Variants in AGBL4 observed in about 807,000 individuals in gnomAD.
AGBL4 encodes the protein cytosolic carboxypeptidase 6.
Under a neutral mutation model 66.4 loss-of-function variants are expected in AGBL4, and 58 were observed. That is an observed-to-expected ratio of 0.87 (90% CI 0.71 to 1.09). The LOEUF is 1.09. AGBL4 is among the 50% of genes least tolerant of loss of function. The pLI, the probability that AGBL4 is intolerant of heterozygous loss-of-function variation, is 0.00. For synonymous variants in AGBL4, 234 were observed against 222.9 expected (o/e 1.05, Z -0.44); for missense variants, 579 against 631.0 (o/e 0.92, Z 0.88).
At chr1:49,958,159 C>A (rs1656796003) in intron 1 of AGBL4, among the ~76,000 whole-genome samples, 1 of 152,008 alleles carries the variant, frequency 6.6e-6, no homozygotes, top group South Asian at 2.1e-4. Context: ...ATTGAAAATT[C>A]TTTTCTTTAA....
chr1:49,353,962 C>G (rs1157030027), intron 3 of AGBL4, among the ~76,000 whole-genome samples: 1 of 152,180 alleles, frequency 6.6e-6, no homozygotes, highest in African/African-American at 2.4e-5. Context: ...CATAATTCTT[C>G]AAGTCTGACT....
intron 4 of AGBL4, among the ~76,000 whole-genome samples, chr1:49,107,463 A>T (rs1645313977): frequency 6.6e-6 from 1 of 152,138 alleles, no homozygotes. Context: ...GGATATGGAG[A>T]AGATGAAGCC....
chr1:50,018,718 A>T (rs1469579141), intron 1 of AGBL4, among the ~76,000 whole-genome samples: 1 of 152,148 alleles, frequency 6.6e-6, no homozygotes, highest in Non-Finnish European at 1.5e-5. Flanking sequence ...ACATTCACGG[A>T]TCTCAGAAAT....
At chr1:49,050,453 T>A (rs1446898697) in intron 4 of AGBL4, among the ~76,000 whole-genome samples, 4 of 152,120 alleles carry the variant, frequency 2.6e-5, no homozygotes, top group Admixed American at 1.3e-4. Context: ...TACAAAGGCT[T>A]ATAGATGAAG....
intron 3 of AGBL4, among the ~76,000 whole-genome samples, chr1:49,519,115 T>C (rs1650060439): frequency 6.6e-6 from 1 of 152,078 alleles, no homozygotes; most frequent in African/African-American, 2.4e-5. Flanking sequence ...TACTTTGAAG[T>C]TGGAGAAAGG....
chr1:49,990,446 G>A (rs1659852375), intron 1 of AGBL4, among the ~76,000 whole-genome samples: 2 of 152,098 alleles, frequency 1.3e-5, no homozygotes, highest in East Asian at 1.9e-4. Context: ...GCTGCCTTGT[G>A]AAGAAGGTGA....
chr1:49,038,673 G>A (rs2149046080), intron 5 of AGBL4, among the ~76,000 whole-genome samples: 1 of 152,134 alleles, frequency 6.6e-6, no homozygotes, highest in Middle Eastern at 3.4e-3. Context: ...CTATTAGAAT[G>A]GCCAAAATCA....
chr1:48,944,734 C>T (rs1474175440), intron 5 of AGBL4, among the ~76,000 whole-genome samples: 1 of 152,164 alleles, frequency 6.6e-6, no homozygotes, highest in Non-Finnish European at 1.5e-5. Context: ...TGCCCTTCCC[C>T]TTTCTTCTTG....
At chr1:49,412,801 G>A (rs1645343860) in intron 3 of AGBL4, among the ~76,000 whole-genome samples, 1 of 152,150 alleles carries the variant, frequency 6.6e-6, no homozygotes, top group East Asian at 1.9e-4. Flanking sequence ...ATTTTCTGAA[G>A]AGAGTACAAC....
At chr1:49,836,442 T>C (rs1449522911) in intron 2 of AGBL4, among the ~76,000 whole-genome samples, 2 of 152,196 alleles carry the variant, frequency 1.3e-5, no homozygotes, top group African/African-American at 4.8e-5. Flanking sequence ...TTTATGTTCT[T>C]CTCTAAACTG....
chr1:49,940,196 G>A (rs941896842), intron 1 of AGBL4, among the ~76,000 whole-genome samples: 2 of 152,126 alleles, frequency 1.3e-5, no homozygotes, highest in Non-Finnish European at 2.9e-5. Flanking sequence ...AAAAAGTCAG[G>A]AAACAACAGG....
At chr1:49,645,850 C>T (rs1645877668) in intron 3 of AGBL4, among the ~76,000 whole-genome samples, 1 of 149,382 alleles carries the variant, frequency 6.7e-6, no homozygotes, top group African/African-American at 2.4e-5. Context: ...GTATGGAATG[C>T]AAAGTTAGTT....
At chr1:49,526,470 G>C (rs1650670703) in intron 3 of AGBL4, among the ~76,000 whole-genome samples, 1 of 151,708 alleles carries the variant, frequency 6.6e-6, no homozygotes, top group Non-Finnish European at 1.5e-5. Context: ...TGCTTAATAA[G>C]AGAAAAAAAA....
In AGBL4 at chr1:48,576,721, A is replaced by C. The variant is rs180957479; in HGVS notation, c.1267+10283T>G. On this transcript the variant is annotated intron_variant, in intron 11 of 13. Coordinates refer to ENST00000371839, the MANE Select transcript of AGBL4 (RefSeq NM_032785.4). Reference sequence around the variant, plus strand: ...GAGTAGGGGCCAGAAATGAACACACAGTTCCCAGGGTCGTTGACATAACAG... The same window carrying C: ...GAGTAGGGGCCAGAAATGAACACACCGTTCCCAGGGTCGTTGACATAACAG... 5.8e-3 allele frequency among the ~76,000 whole-genome samples: 878 copies of C among 152,300 alleles called. 9 individuals are homozygous for C. Among genetic ancestry groups the C allele is most frequent in the Non-Finnish European group, 7.3e-3 (497 of 68,026 alleles).
At chr1:49,440,962 A>C (rs1366292335) in intron 3 of AGBL4, among the ~76,000 whole-genome samples, 1 of 152,046 alleles carries the variant, frequency 6.6e-6, no homozygotes, top group Non-Finnish European at 1.5e-5. Context: ...TCCCCAACCC[A>C]TGCTCCCATC....
At chr1:49,701,109 G>A (rs1647083455) in intron 2 of AGBL4, among the ~76,000 whole-genome samples, 2 of 151,788 alleles carry the variant, frequency 1.3e-5, no homozygotes, top group Non-Finnish European at 1.5e-5. Flanking sequence ...TAAAATAGGT[G>A]GTTTTAGCTC....
At chr1:49,455,391 C>A (rs559749435) in intron 3 of AGBL4, among the ~76,000 whole-genome samples, 1 of 151,596 alleles carries the variant, frequency 6.6e-6, no homozygotes, top group Non-Finnish European at 1.5e-5. Flanking sequence ...TTTTAAAAAG[C>A]ACTTTGTAAA....
chr1:49,499,841 T>A (rs1415281639), intron 3 of AGBL4, among the ~76,000 whole-genome samples: 1 of 151,966 alleles, frequency 6.6e-6, no homozygotes, highest in Non-Finnish European at 1.5e-5. Context: ...GCTGTAAACA[T>A]GCATGTGCAA....
chr1:48,837,248 G>T (rs1646698264), intron 6 of AGBL4, among the ~76,000 whole-genome samples: 1 of 151,980 alleles, frequency 6.6e-6, no homozygotes, highest in South Asian at 2.1e-4. Flanking sequence ...CTAGTTACGG[G>T]TTTGACTTGT....
Sources: gnomAD v4.1 joint callset for allele counts (sites outside exome capture counted in the v4.1 genomes callset) on GRCh38, gnomAD v4.1.1 for gene constraint, MANE v1.5 for transcripts, NCBI Gene and HGNC (gene_info 2026-07-23, HGNC 2026-07-21) for gene names.